GUCY2C: variants seen among roughly 807,000 people sequenced by gnomAD.
GUCY2C encodes guanylyl cyclase C.
Under a neutral mutation model 131.1 loss-of-function variants are expected in GUCY2C, and 118 were observed. The observed-to-expected ratio is 0.90, with a 90% CI of 0.78 to 1.05. The LOEUF (loss-of-function observed/expected upper bound fraction) is 1.05, where lower values mean the gene tolerates loss of function less well. Among genes scored for constraint, GUCY2C ranks in the 50% least tolerant of loss-of-function variants. The probability of loss-of-function intolerance (pLI) is 0.00; values close to 1 mark genes in which losing one functional copy is unlikely to be tolerated. For missense variants in GUCY2C, 1,161 were observed against 1,304.4 expected (o/e 0.89, Z 1.69); for synonymous variants, 452 against 457.8 (o/e 0.99, Z 0.16).
intron 9 of GUCY2C, among the ~76,000 whole-genome samples, chr12:14,671,338 G>A (rs570833412): frequency 9.9e-5 from 15 of 152,116 alleles, no homozygotes; most frequent in South Asian, 4.2e-4. Context: ...GGGTTTTACC[G>A]CGTTGGCCAG....
intron 19 of GUCY2C, among the ~76,000 whole-genome samples, chr12:14,636,709 G>C (rs1373018127): frequency 6.6e-6 from 1 of 152,156 alleles, no homozygotes; most frequent in Non-Finnish European, 1.5e-5. Flanking sequence ...CCTCTTTGCA[G>C]ATGATATGAT....
intron 10 of GUCY2C, among the ~76,000 whole-genome samples, chr12:14,666,761 A>C (rs1000177640): frequency 6.6e-6 from 1 of 151,250 alleles, no homozygotes; most frequent in African/African-American, 2.4e-5. Flanking sequence ...GAGTAAGAAA[A>C]GAAAAGAAAA....
chr12:14,670,274 T>A (rs1161005394), intron 9 of GUCY2C, among the ~76,000 whole-genome samples: 1 of 152,248 alleles, frequency 6.6e-6, no homozygotes, highest in Non-Finnish European at 1.5e-5. Flanking sequence ...AAATCCATTA[T>A]GTCATTTTGA....
rs537922713 is a variant in GUCY2C, at chr12:14,671,830, G to T, written c.1170+1043C>A. ...GCTATTAGTAACTGAAGTATTGATG[G>T]GATCTTATGTTAAGGTATTCTTACG... On this transcript the variant is annotated intron_variant, in intron 9 of 26. Coordinates refer to ENST00000261170, the MANE Select transcript of GUCY2C (RefSeq NM_004963.4). Among the ~76,000 whole-genome samples, 11 of 152,222 alleles carry T rather than the reference G, an allele frequency of 7.2e-5. No individual in the cohort carries two copies. In the South Asian group the frequency reaches 1.2e-3, roughly 17 times the overall value.
rs530469425 is a variant in GUCY2C, at chr12:14,622,213, GA to G, written c.2409-17del. On this transcript the variant is annotated splice_polypyrimidine_tract_variant and intron_variant, in intron 21 of 26. Coordinates refer to ENST00000261170, the MANE Select transcript of GUCY2C (RefSeq NM_004963.4). ...TACCACTAGCCTAGATGAACGAAGGGAAAAAAAATGCCTTCAACTTCAGCAA... is the reference window on the plus strand; with the variant it reads ...TACCACTAGCCTAGATGAACGAAGGGAAAAAAATGCCTTCAACTTCAGCAA... 100 of 1,454,130 alleles carry G rather than the reference GA, an allele frequency of 6.9e-5. No homozygotes were observed. The highest frequency in any genetic ancestry group is 3.9e-4 in the Middle Eastern group (2 of 5,166). 90.1% of individuals were successfully genotyped at this position (1,454,130 alleles called of 1,614,324 possible). A position where few individuals can be genotyped will look rare whatever the true frequency, so the allele number is the denominator to read the frequency against.
At position 14,696,336 on chromosome 12, in the gene GUCY2C, C is replaced by T. The variant is rs1051406865; in HGVS notation, c.113G>A (p.Ser38Asn). Residue 38 changes from serine to asparagine, a missense_variant, in exon 1 of 27, where the codon AGC (serine) becomes AAC (asparagine). Ser to Asn is a conservative substitution (Grantham distance 46, BLOSUM62 1). Transcript: ENST00000261170. ...QNCHNGSYEI[S>N]VLMMGNSAFA... is the part of the protein sequence containing the mutation. ...GGCTGAGTTGCCCATCATCAGGACGCTGATTTCATAGCTGCCATTGTGGCA... is the reference window on the plus strand; with the variant it reads ...GGCTGAGTTGCCCATCATCAGGACGTTGATTTCATAGCTGCCATTGTGGCA... The T allele has an allele frequency of 1.2e-6, 2 of 1,614,022 alleles. No homozygotes were observed. Among genetic ancestry groups the T allele is most frequent in the African/African-American group, 2.7e-5 (2 of 74,932 alleles).
intron 3 of GUCY2C, 98 bp downstream of exon 3, chr12:14,686,063 A>G: frequency 4.0e-6 from 3 of 748,870 alleles, no homozygotes; most frequent in Non-Finnish European, 7.0e-6. Flanking sequence ...CTAGACCTCA[A>G]CACCTCTGAT....
At chr12:14,643,353 C>G (rs1947447925) in intron 17 of GUCY2C, among the ~76,000 whole-genome samples, 2 of 152,088 alleles carry the variant, frequency 1.3e-5, no homozygotes, top group Non-Finnish European at 2.9e-5. Flanking sequence ...CTCAGTGTAG[C>G]AAGGGACGCA....
intron 1 of GUCY2C, among the ~76,000 whole-genome samples, chr12:14,692,835 A>C (rs1274634534): frequency 6.6e-6 from 1 of 152,110 alleles, no homozygotes; most frequent in Non-Finnish European, 1.5e-5. Flanking sequence ...GGCAACAAGA[A>C]CGATACTCTG....
In GUCY2C at chr12:14,619,206, C is replaced by A. The variant is rs937063178; in HGVS notation, c.2875+5G>T. On this transcript the variant is annotated splice_donor_5th_base_variant and intron_variant, in intron 24 of 26. Transcript: ENST00000261170. ...TCCTCTGAGAAAAACAGTCTCCCTT[C>A]TTACGGAGGCCAGTGGATTCCATCC... 2.6e-6 allele frequency: 4 copies of A among 1,552,910 alleles called. No individual in the cohort carries two copies. The South Asian group carries it at 3.3e-5, about 13-fold the overall frequency.
chr12:14,613,636 C>G lies in GUCY2C; in HGVS notation c.3048-345G>C, dbSNP rs1365824713. On this transcript the variant is annotated intron_variant, in intron 26 of 26. Transcript: ENST00000261170. This position sits in a 1 kb window ranked among gnomAD's most constrained non-coding sequence, Gnocchi z 4.9. ...CACACAACCCTGAAAACTCATTGGT[C>G]CCACACATACTTAACAGTGTGAGTC... Among the ~76,000 whole-genome samples, 2 of 152,038 alleles carry G rather than the reference C, an allele frequency of 1.3e-5. No homozygotes were observed. The highest frequency in any genetic ancestry group is 4.8e-5 in the African/African-American group (2 of 41,384).
At chr12:14,624,208 A>AG (rs1280302015) in intron 21 of GUCY2C, among the ~76,000 whole-genome samples, 1 of 152,172 alleles carries the variant, frequency 6.6e-6, no homozygotes, top group East Asian at 1.9e-4. Context: ...TGGGAGGCCG[A>AG]GGTGGGTGAA....
intron 18 of GUCY2C, among the ~76,000 whole-genome samples, chr12:14,640,587 C>T (rs1470269418): frequency 6.6e-6 from 1 of 152,210 alleles, no homozygotes; most frequent in African/African-American, 2.4e-5. Flanking sequence ...GACCCACCCT[C>T]TCCACGTCCC....
chr12:14,640,061 G>A (rs1311670311), intron 18 of GUCY2C, 111 bp from the exon 19 acceptor site: 1 of 733,192 alleles, frequency 1.4e-6, no homozygotes, highest in Admixed American at 2.0e-5. Flanking sequence ...TCTTAGCTCA[G>A]TGAGAGTGCT....
chr12:14,645,647 C>T (rs1033231657), intron 15 of GUCY2C, among the ~76,000 whole-genome samples: 1 of 152,088 alleles, frequency 6.6e-6, no homozygotes, highest in South Asian at 2.1e-4. Flanking sequence ...CTAAATTGGA[C>T]CCATGTTTTA....
rs1350579111 is a variant in GUCY2C at position 14,641,105 on chromosome 12, G to A, written c.2045C>T (p.Thr682Ile). The A allele has an allele frequency of 3.1e-6, 5 of 1,613,558 alleles. No individual in the cohort carries two copies. Among genetic ancestry groups the A allele is most frequent in the Non-Finnish European group, 4.2e-6 (5 of 1,179,916 alleles). Reference protein sequence around the residue: ...EIILRKETFYTLSCRDRNEKI... With the variant: ...EIILRKETFYILSCRDRNEKI... ...ACCATTCCGGTCCCGACAGCTCAAA[G>A]TGTAGAAGGTTTCTTTCCGCAGGAT... Residue 682 changes from threonine to isoleucine, a missense_variant, in exon 18 of 27, where the codon ACT becomes ATT. Coordinates refer to ENST00000261170, the MANE Select transcript of GUCY2C (RefSeq NM_004963.4).
At chr12:14,662,307 T>C (rs923945512) in intron 10 of GUCY2C, among the ~76,000 whole-genome samples, 4 of 152,080 alleles carry the variant, frequency 2.6e-5, no homozygotes, top group African/African-American at 9.7e-5. Context: ...TGCCCTGACT[T>C]TGAGAATTAG....
Position 14,666,649 on chromosome 12 carries a change from C to T in GUCY2C, c.1282+3073G>A, listed in dbSNP as rs561179122. 4.6e-5 allele frequency among the ~76,000 whole-genome samples: 7 copies of T among 151,122 alleles called. No individual in the cohort carries two copies. In the East Asian group the frequency reaches 1.4e-3, roughly 29 times the overall value. ...ACTCGGGAGGCTGAGGCAGGAGAAT[C>T]GCTTGAATCCGGGAGGCAGAGGTTG... On this transcript the variant is annotated intron_variant, in intron 10 of 26. Coordinates refer to ENST00000261170, the MANE Select transcript of GUCY2C (RefSeq NM_004963.4).
At chr12:14,659,556 G>A (rs1947826174) in intron 11 of GUCY2C, among the ~76,000 whole-genome samples, 1 of 152,070 alleles carries the variant, frequency 6.6e-6, no homozygotes, top group African/African-American at 2.4e-5. Flanking sequence ...CTCTTTGTAT[G>A]CTTCCATCTA....
Sources: allele counts gnomAD v4.1 joint callset (sites outside exome capture counted in the v4.1 genomes callset), GRCh38; gene constraint gnomAD v4.1.1; non-coding constraint Gnocchi (gnomAD v3.1); transcripts MANE v1.5; gene names NCBI Gene and HGNC (gene_info 2026-07-23, HGNC 2026-07-21).